FSAF1: variants seen among roughly 807,000 people sequenced by gnomAD.
FSAF1 encodes the protein 40S small subunit processome assembly factor 1.
chr1:231,228,345 T>A, the FSAF1 span, among the ~76,000 whole-genome samples: 1 of 152,152 alleles, frequency 6.6e-6, no homozygotes, highest in African/African-American at 2.4e-5. Flanking sequence ...ACGCATGTAA[T>A]CCCAACACTT....
chr1:231,224,202 A>C, the FSAF1 span: 2 of 1,474,122 alleles, frequency 1.4e-6, no homozygotes, highest in Non-Finnish European at 9.2e-7. Context: ...AGAACGATCT[A>C]TCTAGAGTCG....
chr1:231,229,423 G>A, the FSAF1 span, among the ~76,000 whole-genome samples: 2 of 152,168 alleles, frequency 1.3e-5, no homozygotes, highest in Non-Finnish European at 2.9e-5. Context: ...TTACCACATG[G>A]TATAGGCATT....
the FSAF1 span, among the ~76,000 whole-genome samples, chr1:231,231,331 C>T: frequency 6.6e-6 from 1 of 152,176 alleles, no homozygotes; most frequent in Non-Finnish European, 1.5e-5. Flanking sequence ...AATCTATTTA[C>T]TATGACCATA....
the FSAF1 span, among the ~76,000 whole-genome samples, chr1:231,227,697 G>T: frequency 0.54 from 79,320 of 147,794 alleles, 21,832 homozygotes; most frequent in African/African-American, 0.69. Flanking sequence ...CATGCCATTC[G>T]CCTGCCTCAG....
the FSAF1 span, chr1:231,227,202 A>G: frequency 1.1e-6 from 1 of 908,994 alleles, no homozygotes; most frequent in Non-Finnish European, 1.7e-6. Context: ...CTCCACTGTC[A>G]TGTGGTCAAA....
the FSAF1 span, among the ~76,000 whole-genome samples, chr1:231,235,480 G>A: frequency 6.6e-6 from 1 of 151,504 alleles, no homozygotes; most frequent in Non-Finnish European, 1.5e-5. Context: ...CTGGTGACAG[G>A]GCAAGACTCC....
the FSAF1 span, among the ~76,000 whole-genome samples, chr1:231,232,560 T>C: frequency 1.6e-4 from 25 of 152,310 alleles, 1 homozygote; most frequent in East Asian, 4.8e-3. Flanking sequence ...TTAATTTTTG[T>C]CTTTTAAACC....
the FSAF1 span, among the ~76,000 whole-genome samples, chr1:231,240,435 G>T: frequency 6.6e-6 from 1 of 152,096 alleles, no homozygotes; most frequent in Non-Finnish European, 1.5e-5. This position sits in a 1 kb window ranked among gnomAD's most constrained non-coding sequence, Gnocchi z 4.1. Flanking sequence ...ATGAGGCACT[G>T]TCTTCCTACT....
At chr1:231,236,164 G>T in the FSAF1 span, among the ~76,000 whole-genome samples, 1 of 152,288 alleles carries the variant, frequency 6.6e-6, no homozygotes, top group East Asian at 1.9e-4. Context: ...CAGCACAGCT[G>T]GTGTATTCCA....
At chr1:231,234,714 T>G in the FSAF1 span, among the ~76,000 whole-genome samples, 6 of 152,356 alleles carry the variant, frequency 3.9e-5, no homozygotes, top group Non-Finnish European at 4.4e-5. The surrounding 1 kb of genome is among the most constrained non-coding windows in gnomAD (Gnocchi z 4.0). Flanking sequence ...CTACTGCCTA[T>G]GAGACCTGGC....
the FSAF1 span, chr1:231,238,794 A>G: frequency 4.2e-6 from 6 of 1,444,578 alleles, no homozygotes; most frequent in Admixed American, 5.8e-5. Context: ...CTAAAGAGCT[A>G]TTCACCTAAT....
At chr1:231,226,384 T>C in the FSAF1 span, 1 of 293,982 alleles carries the variant, frequency 3.4e-6, no homozygotes, top group Non-Finnish European at 6.4e-6. Flanking sequence ...CAGCTTCAGA[T>C]GCTCACCGGA....
At chr1:231,239,447 C>T in the FSAF1 span, among the ~76,000 whole-genome samples, 5 of 152,340 alleles carry the variant, frequency 3.3e-5, no homozygotes, top group South Asian at 1.0e-3. Flanking sequence ...TTGGTTCCTA[C>T]TCAAAGTGTC....
At chr1:231,224,277 C>T in the FSAF1 span, 162 of 1,605,852 alleles carry the variant, frequency 1.0e-4, no homozygotes, top group Non-Finnish European at 1.3e-4. Context: ...TGACAAAGTA[C>T]TTCATTTGGC....
the FSAF1 span, chr1:231,236,629 T>A: frequency 1.3e-5 from 2 of 152,118 alleles, no homozygotes; most frequent in African/African-American, 4.8e-5. Flanking sequence ...AAACTTTCCA[T>A]TCCAGAAAAA....
the FSAF1 span, chr1:231,238,628 G>A: frequency 6.6e-6 from 3 of 452,976 alleles, no homozygotes; most frequent in African/African-American, 3.9e-5. Context: ...GATTGATGGT[G>A]AATACCTGCT....
the FSAF1 span, chr1:231,223,855 C>T: frequency 6.5e-6 from 1 of 153,734 alleles, no homozygotes; most frequent in Non-Finnish European, 1.4e-5. Flanking sequence ...TTCCACAAAA[C>T]TGATAAATTA....
chr1:231,236,510 C>T, the FSAF1 span, among the ~76,000 whole-genome samples: 1 of 152,118 alleles, frequency 6.6e-6, no homozygotes, highest in Non-Finnish European at 1.5e-5. Flanking sequence ...TCGCTTGGAA[C>T]GGGAAGCAAA....
At chr1:231,233,915 A>T in the FSAF1 span, among the ~76,000 whole-genome samples, 40 of 152,322 alleles carry the variant, frequency 2.6e-4, no homozygotes, top group Admixed American at 2.4e-3. Context: ...ACCAATCTTA[A>T]AAGAAAAGGG....
Sources: gnomAD v4.1 joint callset for allele counts (sites outside exome capture counted in the v4.1 genomes callset) on GRCh38, gnomAD v4.1.1 for gene constraint, Gnocchi (gnomAD v3.1) non-coding constraint, MANE v1.5 for transcripts, NCBI Gene and HGNC (gene_info 2026-07-23, HGNC 2026-07-21) for gene names.